PLEKHM2: variants seen among roughly 807,000 people sequenced by gnomAD.
PLEKHM2 encodes the protein pleckstrin homology domain-containing family M member 2.
A neutral mutation model predicts 116.3 loss-of-function variants in PLEKHM2; 77 were observed. The ratio of observed to expected loss-of-function variants is 0.66; its 90% CI spans 0.55 to 0.80. The LOEUF (loss-of-function observed/expected upper bound fraction) is 0.80, where lower values mean the gene tolerates loss of function less well. Among genes scored for constraint, PLEKHM2 ranks in the 30% least tolerant of loss-of-function variants. PLEKHM2 has a pLI of 0.00. For synonymous variants in PLEKHM2, 562 were observed against 571.0 expected (o/e 0.98, Z 0.22); for missense variants, 1,183 against 1,354.9 (o/e 0.87, Z 1.99).
At position 15,685,037 on chromosome 1, in the gene PLEKHM2, A is replaced by G. The variant is rs59048902; in HGVS notation, c.60+419A>G. On this transcript the variant is annotated intron_variant, in intron 1 of 19. Transcript: ENST00000375799. ...GGGTCTGGCAGTCAGGGTGGAGGCC[A>G]GTGATAAGCAACTTCACTTTCCCAT... Among the ~76,000 whole-genome samples the G allele has an allele frequency of 6.8e-3, 1,036 of 152,360 alleles. 12 individuals are homozygous for G. Among genetic ancestry groups the G allele is most frequent in the African/African-American group, 0.023 (968 of 41,596 alleles).
intron 1 of PLEKHM2, among the ~76,000 whole-genome samples, chr1:15,698,059 A>G (rs2148337327): frequency 6.6e-6 from 1 of 151,758 alleles, no homozygotes; most frequent in South Asian, 2.1e-4. Context: ...TGGTGGATAA[A>G]CCCTTTATGA....
At chr1:15,699,594 G>A (rs1162212505) in intron 1 of PLEKHM2, among the ~76,000 whole-genome samples, 1 of 152,068 alleles carries the variant, frequency 6.6e-6, no homozygotes, top group Non-Finnish European at 1.5e-5. Context: ...GTCTATCATT[G>A]ATGGACATTT....
At chr1:15,725,933 T>C (rs2068058780) in intron 8 of PLEKHM2, 1 of 215,940 alleles carries the variant, frequency 4.6e-6, no homozygotes, top group African/African-American at 2.3e-5. Flanking sequence ...AGGGTGCTGA[T>C]CCCATTCCTG....
At chr1:15,690,800 A>G (rs1571018391) in intron 1 of PLEKHM2, among the ~76,000 whole-genome samples, 1 of 152,330 alleles carries the variant, frequency 6.6e-6, no homozygotes, top group South Asian at 2.1e-4. Flanking sequence ...CCTCACCATC[A>G]TAGGCCCTAG....
chr1:15,727,265 TGAA>T lies in PLEKHM2; in HGVS notation c.1195_1197del (p.Lys399del). On this transcript the variant is annotated inframe_deletion, in exon 9 of 20. Coordinates refer to ENST00000375799, the MANE Select transcript of PLEKHM2 (RefSeq NM_015164.4). The surrounding 1 kb of genome is among the most constrained non-coding windows in gnomAD (Gnocchi z 7.5). ...GAGCCGGGCCTGCTGATCCCTGAGA[TGAA>T]GGACACCTCCATGGAGCGCTTGGGG... is the stretch of plus-strand genomic sequence containing the variant. 4 of 1,606,214 alleles carry T rather than the reference TGAA, an allele frequency of 2.5e-6. No homozygotes were observed. The highest frequency in any genetic ancestry group is 3.4e-6 in the Non-Finnish European group (4 of 1,177,320).
chr1:15,733,895 T>C lies in PLEKHM2; in HGVS notation c.3021T>C (p.Ser1007=), dbSNP rs571509661. ...LIHSAWQRSD[S]LCRGRASRDP... Reference sequence around the variant, plus strand: ...ACAGCGCCTGGCAGCGGAGCGACAGTCTCTGCCGCGGCCGAGCCTCCCGAG... The same window carrying C: ...ACAGCGCCTGGCAGCGGAGCGACAGCCTCTGCCGCGGCCGAGCCTCCCGAG... Residue 1007 remains serine (S), a synonymous_variant, in exon 20 of 20, where the codon AGT becomes AGC. Coordinates refer to ENST00000375799, the MANE Select transcript of PLEKHM2 (RefSeq NM_015164.4). The C allele has an allele frequency of 9.4e-5, 151 of 1,612,798 alleles. 1 individual carries two copies. In the Middle Eastern group the frequency reaches 1.5e-3, roughly 16 times the overall value.
At position 15,713,768 on chromosome 1, in the gene PLEKHM2, T is replaced by C. The variant is rs2148354375; in HGVS notation, c.61-2469T>C. Among the ~76,000 whole-genome samples, 3 of 151,890 alleles carry C rather than the reference T, an allele frequency of 2.0e-5. No homozygotes were observed. The East Asian group carries it at 5.8e-4, about 29-fold the overall frequency. On this transcript the variant is annotated intron_variant, in intron 1 of 19. Transcript: ENST00000375799. ...CTCCTGCCTCAGCCTCCCGAATAGCTGGGACTACAGGCGCCTGCCACTACG... is the reference window on the plus strand; with the variant it reads ...CTCCTGCCTCAGCCTCCCGAATAGCCGGGACTACAGGCGCCTGCCACTACG...
intron 1 of PLEKHM2, among the ~76,000 whole-genome samples, chr1:15,689,051 C>T (rs1316726609): frequency 6.6e-6 from 1 of 151,952 alleles, no homozygotes. Flanking sequence ...GAGATCGAGA[C>T]CGGCCTGACC....
intron 15 of PLEKHM2, 122 bp from the exon 16 acceptor site, chr1:15,731,070 G>T: frequency 1.4e-6 from 1 of 735,106 alleles, no homozygotes; most frequent in East Asian, 2.7e-5. Flanking sequence ...ACAGCCCCTG[G>T]TGTCCTTTGC....
intron 1 of PLEKHM2, among the ~76,000 whole-genome samples, chr1:15,696,114 G>A (rs942719110): frequency 2.6e-5 from 4 of 151,196 alleles, no homozygotes; most frequent in African/African-American, 9.7e-5. Context: ...ACACCCACCC[G>A]ATGCCTGTTT....
chr1:15,699,899 GAGCCCAGGAGTTCGAGACTGT>G (rs1390362715), intron 1 of PLEKHM2, among the ~76,000 whole-genome samples: 2 of 151,906 alleles, frequency 1.3e-5, no homozygotes, highest in Non-Finnish European at 2.9e-5. Context: ...AGGATTGCTT[GAGCCCAGGAGTTCGAGACTGT>G]AGTGCACTAT....
rs147152598 is a variant in PLEKHM2 at position 15,684,877 on chromosome 1, C to T, written c.60+259C>T. On this transcript the variant is annotated intron_variant, in intron 1 of 19. Coordinates refer to ENST00000375799, the MANE Select transcript of PLEKHM2 (RefSeq NM_015164.4). ...CAAACCTGGCCCGGGGCCCTGCCCT[C>T]CCGGAGAGGGGTCAGCGACCCTCCG... 8.8e-4 allele frequency among the ~76,000 whole-genome samples: 134 copies of T among 152,204 alleles called. 1 individual carries two copies. In the East Asian group the frequency reaches 0.023, roughly 26 times the overall value.
At chr1:15,726,519 G>A (rs529464562) in intron 8 of PLEKHM2, among the ~76,000 whole-genome samples, 2 of 152,292 alleles carry the variant, frequency 1.3e-5, no homozygotes, top group Non-Finnish European at 2.9e-5. Context: ...AGCTAAGCCC[G>A]CTCCAGCCAA....
chr1:15,724,546 C>A (rs1022687806), intron 7 of PLEKHM2, among the ~76,000 whole-genome samples: 4 of 151,972 alleles, frequency 2.6e-5, no homozygotes, highest in African/African-American at 9.7e-5. Context: ...CCTGGTCCTG[C>A]CCCCGAGGAG....
In PLEKHM2 at chr1:15,716,955, T is replaced by C; in HGVS notation, c.277+139T>C. The C allele has an allele frequency of 3.8e-6, 4 of 1,056,310 alleles. 1 individual carries two copies. In the South Asian group the frequency reaches 6.2e-5, roughly 16 times the overall value. The allele number at this position is 1,056,310 out of a possible 1,614,324, so 65.4% of individuals were successfully genotyped here. A position where few individuals can be genotyped will look rare whatever the true frequency, so the allele number is the denominator to read the frequency against. ...GTGGTGTCCAGTAGCAGTGGGGTGT[T>C]AAAATGCCAGCACCAGGCCAGGCAT... On this transcript the variant is annotated intron_variant, in intron 3 of 19. Coordinates refer to ENST00000375799, the MANE Select transcript of PLEKHM2 (RefSeq NM_015164.4).
In PLEKHM2 at chr1:15,732,400, C is replaced by T. The variant is rs373165364; in HGVS notation, c.2676C>T (p.Val892=). The change falls in exon 18 of 20, where the codon GTC becomes GTT. Residue 892 remains valine (V), a synonymous_variant. Transcript: ENST00000375799. ...GCCCCTGCATACCCTGCTGCCTGGT[C>T]CTCACGGATGACCGCCTCTTTACGT... ...APSPCIPCCL[V]LTDDRLFTCH... 7.7e-6 allele frequency: 12 copies of T among 1,566,954 alleles called. No homozygotes were observed. In the African/African-American group the frequency reaches 1.6e-4, roughly 21 times the overall value.
upstream of PLEKHM2, chr1:15,681,620 A>C (rs758890213): frequency 1.7e-5 from 8 of 465,322 alleles, 1 homozygote; most frequent in South Asian, 1.2e-4. Context: ...AGCTGCATCC[A>C]GCAGGTTGGG....
intron 1 of PLEKHM2, among the ~76,000 whole-genome samples, chr1:15,696,508 G>A (rs11804905): frequency 0.032 from 4,890 of 152,100 alleles, 240 homozygotes; most frequent in African/African-American, 0.11. Flanking sequence ...CCGCCACCAC[G>A]CCCGGCTAAT....
At chr1:15,690,046 G>A (rs1640857728) in intron 1 of PLEKHM2, among the ~76,000 whole-genome samples, 1 of 149,258 alleles carries the variant, frequency 6.7e-6, no homozygotes, top group African/African-American at 2.5e-5. Context: ...GTGAGCCACC[G>A]CACCCAGCCG....
Sources: gnomAD v4.1 joint callset for allele counts (sites outside exome capture counted in the v4.1 genomes callset) on GRCh38, gnomAD v4.1.1 for gene constraint, Gnocchi (gnomAD v3.1) non-coding constraint, MANE v1.5 for transcripts, NCBI Gene and HGNC (gene_info 2026-07-23, HGNC 2026-07-21) for gene names.